Variants in SOX6 observed in about 807,000 individuals in gnomAD.
SOX6 encodes the protein transcription factor SOX-6.
SOX6 carries 11 observed loss-of-function variants against 97.8 expected under a neutral mutation model. The ratio of observed to expected loss-of-function variants is 0.11; its 90% CI spans 0.07 to 0.19. The LOEUF (loss-of-function observed/expected upper bound fraction) is 0.19. SOX6 is among the 10% of genes least tolerant of loss of function. The pLI is 1.00. For missense variants in SOX6, 810 were observed against 1,039.5 expected (o/e 0.78, Z 3.04); for synonymous variants, 360 against 371.4 (o/e 0.97, Z 0.35).
At chr11:15,981,762 A>G (rs1853663445) in intron 15 of SOX6, among the ~76,000 whole-genome samples, 1 of 152,096 alleles carries the variant, frequency 6.6e-6, no homozygotes, top group South Asian at 2.1e-4. Context: ...AATCACTTAT[A>G]GTACAAGGCA....
chr11:16,638,213 T>A (rs1848824216), intron 3 of SOX6, among the ~76,000 whole-genome samples: 1 of 152,008 alleles, frequency 6.6e-6, no homozygotes, highest in Admixed American at 6.5e-5. Context: ...GCTTCACCCA[T>A]CTCCCTACAA....
chr11:16,498,696 T>A (rs1226176632), intron 4 of SOX6, among the ~76,000 whole-genome samples: 1 of 151,582 alleles, frequency 6.6e-6, no homozygotes, highest in Non-Finnish European at 1.5e-5. Flanking sequence ...CCAACAAAGA[T>A]CAAAAGAGAC....
intron 3 of SOX6, among the ~76,000 whole-genome samples, chr11:16,676,190 C>G (rs1847883681): frequency 6.6e-6 from 1 of 152,092 alleles, no homozygotes; most frequent in South Asian, 2.1e-4. Context: ...GATTTGCACA[C>G]TTCTTGTGAA....
At chr11:16,557,397 G>A (rs1420422532) in intron 4 of SOX6, among the ~76,000 whole-genome samples, 1 of 151,742 alleles carries the variant, frequency 6.6e-6, no homozygotes, top group Non-Finnish European at 1.5e-5. Context: ...AATGGATCCA[G>A]TAAACTCATT....
chr11:16,429,312 A>G (rs1859222855), intron 1 of SOX6, among the ~76,000 whole-genome samples: 1 of 152,164 alleles, frequency 6.6e-6, no homozygotes, highest in South Asian at 2.1e-4. Flanking sequence ...CGACCCAGCA[A>G]TCCCATTACT....
At chr11:15,978,487 C>A (rs79608832) in intron 15 of SOX6, among the ~76,000 whole-genome samples, 1,392 of 134,342 alleles carry the variant, frequency 0.01, 27 homozygotes, top group African/African-American at 0.036. Flanking sequence ...TCAGATGCCA[C>A]ACCCTCCTGG....
chr11:16,663,323 A>T (rs932505644), intron 3 of SOX6, among the ~76,000 whole-genome samples: 14 of 151,532 alleles, frequency 9.2e-5, no homozygotes, highest in African/African-American at 2.2e-4. Flanking sequence ...GTAAGGCTAT[A>T]TTTTTTTTTC....
At chr11:16,238,168 C>T (rs917518082) in intron 3 of SOX6, among the ~76,000 whole-genome samples, 1 of 151,814 alleles carries the variant, frequency 6.6e-6, no homozygotes, top group East Asian at 1.9e-4. Context: ...TATCAAAAAT[C>T]GCGAGCTGGA....
chr11:16,255,736 A>T (rs1215514147), intron 3 of SOX6, among the ~76,000 whole-genome samples: 2 of 151,774 alleles, frequency 1.3e-5, no homozygotes, highest in Admixed American at 6.6e-5. Context: ...CTAGACCTGA[A>T]GTCAACAGAA....
At chr11:16,390,209 T>C (rs764373496) in intron 1 of SOX6, among the ~76,000 whole-genome samples, 14 of 145,126 alleles carry the variant, frequency 9.6e-5, no homozygotes, top group Non-Finnish European at 1.8e-4. Context: ...CCTCACCTCT[T>C]AGCAGTTGTG....
chr11:16,486,910 A>G lies in SOX6; in HGVS notation n.610-10522T>C, dbSNP rs143486667. ...ATAATAATAATAAAATAAAAATTTA[A>G]AAAAAGAAAATAATTTTAAAGATTA... On this transcript the variant is annotated intron_variant and non_coding_transcript_variant, in intron 4 of 5. Coordinates refer to the SOX6 transcript ENST00000524520. 3.4e-3 allele frequency among the ~76,000 whole-genome samples: 520 copies of G among 152,054 alleles called. 15 individuals carry two copies. In the East Asian group the frequency reaches 0.052, roughly 15 times the overall value.
At position 16,014,410 on chromosome 11, in the gene SOX6, A is replaced by C. The variant is rs555602847; in HGVS notation, c.1732+532T>G. 2.0e-5 allele frequency among the ~76,000 whole-genome samples: 3 copies of C among 152,170 alleles called. No individual in the cohort carries two copies. In the East Asian group the frequency reaches 5.8e-4, roughly 30 times the overall value. On this transcript the variant is annotated intron_variant, in intron 13 of 15. Coordinates refer to ENST00000683767, the MANE Select transcript of SOX6 (RefSeq NM_001367873.1). ...TAAGTTTATGCTAAAACTGCTGCAA[A>C]CTATCATTTAATCCCCAAAATGGTT...
chr11:16,181,095 A>C (rs955478406), intron 6 of SOX6, among the ~76,000 whole-genome samples: 8 of 151,556 alleles, frequency 5.3e-5, no homozygotes, highest in African/African-American at 1.9e-4. Context: ...TGGGGGGAAA[A>C]AAACAGTACT....
intron 13 of SOX6, among the ~76,000 whole-genome samples, chr11:15,992,732 C>T (rs918977506): frequency 3.3e-5 from 5 of 152,138 alleles, no homozygotes; most frequent in African/African-American, 9.7e-5. Context: ...CCCACAAATA[C>T]ATATTGAAGG....
At chr11:16,672,753 C>T (rs1183268654) in intron 3 of SOX6, among the ~76,000 whole-genome samples, 4 of 152,146 alleles carry the variant, frequency 2.6e-5, no homozygotes, top group African/African-American at 4.8e-5. Flanking sequence ...CCAGTGGTTG[C>T]TGCTGCTGCC....
chr11:15,969,094 T>TG lies in SOX6; in HGVS notation c.*3714dup. On this transcript the variant is annotated 3_prime_UTR_variant, in exon 16 of 16. Transcript: ENST00000683767. ...GGCTATTTTTTTTTTTTTTTTTTTT[T>TG]GGGAGAGGATTGCCTGGCAGTGTCC... The TG allele has an allele frequency of 6.9e-6, 1 of 144,238 alleles. No homozygotes were observed. The highest frequency in any genetic ancestry group is 2.5e-4 in the East Asian group (1 of 4,032). 8.9% of individuals were successfully genotyped at this position (144,238 alleles called of 1,614,324 possible).
At chr11:16,246,924 C>T (rs1175686253) in intron 3 of SOX6, among the ~76,000 whole-genome samples, 1 of 152,020 alleles carries the variant, frequency 6.6e-6, no homozygotes, top group African/African-American at 2.4e-5. Context: ...CATTCCAGTT[C>T]TATTCTTCTA....
At chr11:16,640,022 T>C (rs1320880838) in intron 3 of SOX6, among the ~76,000 whole-genome samples, 1 of 152,206 alleles carries the variant, frequency 6.6e-6, no homozygotes, top group African/African-American at 2.4e-5. Flanking sequence ...TTTTTGCCCA[T>C]TCAGTGTGAT....
intron 3 of SOX6, among the ~76,000 whole-genome samples, chr11:16,637,141 C>A (rs934712984): frequency 1.2e-4 from 19 of 152,072 alleles, no homozygotes; most frequent in African/African-American, 4.6e-4. Flanking sequence ...TCCTTACTTT[C>A]CCATTCATTT....
Sources: allele counts gnomAD v4.1 joint callset (sites outside exome capture counted in the v4.1 genomes callset), GRCh38; gene constraint gnomAD v4.1.1; transcripts MANE v1.5; gene names NCBI Gene and HGNC (gene_info 2026-07-23, HGNC 2026-07-21).